SERINC5: variants seen among roughly 807,000 people sequenced by gnomAD.
The protein encoded by SERINC5 is chromosome 5 open reading frame 12.
In SERINC5, 41 loss-of-function variants were observed where a neutral mutation model predicts 63.1. That is an observed-to-expected ratio of 0.65 (90% CI 0.51 to 0.84). SERINC5 has a LOEUF of 0.84. SERINC5 is among the 40% of genes least tolerant of loss of function. The probability of loss-of-function intolerance (pLI) is 0.00; values close to 1 mark genes in which losing one functional copy is unlikely to be tolerated. For missense variants in SERINC5, 523 were observed against 573.0 expected, an observed-to-expected ratio of 0.91 and a Z score of 0.89; for synonymous variants, 222 against 215.2, an observed-to-expected ratio of 1.03 and a Z score of -0.28.
chr5:80,190,737 A>G (rs1749131473), intron 2 of SERINC5, among the ~76,000 whole-genome samples: 1 of 152,212 alleles, frequency 6.6e-6, no homozygotes, highest in South Asian at 2.1e-4. Context: ...AATGTTCCCC[A>G]AAAGATAGGA....
At chr5:80,151,029 T>A in intron 8 of SERINC5, 81 bp from the exon 9 acceptor site, 3 of 995,740 alleles carry the variant, frequency 3.0e-6, no homozygotes, top group Non-Finnish European at 4.9e-6. Context: ...GGCTGGCCAG[T>A]GCTCCGACGA....
intron 1 of SERINC5, among the ~76,000 whole-genome samples, chr5:80,226,153 C>T (rs1364643364): frequency 5.3e-5 from 8 of 152,116 alleles, no homozygotes; most frequent in Admixed American, 2.0e-4. Flanking sequence ...CCAACTCCCA[C>T]TTCAAGCGAT....
intron 1 of SERINC5, among the ~76,000 whole-genome samples, chr5:80,230,250 C>T (rs1367347380): frequency 3.9e-5 from 6 of 152,042 alleles, no homozygotes; most frequent in Non-Finnish European, 8.8e-5. Context: ...GCAGGCAGAT[C>T]ACTTGAAGTC....
At chr5:80,148,442 G>A (rs1054377912) in intron 9 of SERINC5, among the ~76,000 whole-genome samples, 13 of 151,826 alleles carry the variant, frequency 8.6e-5, no homozygotes, top group East Asian at 1.9e-4. Context: ...CACCCACCTC[G>A]GCCTCCCAAA....
intron 11 of SERINC5, chr5:80,116,373 C>T (rs1255052965): frequency 2.2e-6 from 1 of 455,828 alleles, no homozygotes; most frequent in South Asian, 1.6e-5. Context: ...CCTTCCTCTT[C>T]CTGGACAGAG....
Position 80,139,179 on chromosome 5 carries a change from A to G in SERINC5, c.*4484T>C, listed in dbSNP as rs1469552542. 1 of 984,536 alleles carries G rather than the reference A, an allele frequency of 1.0e-6. No homozygotes were observed. 61.0% of individuals were successfully genotyped at this position (984,536 alleles called of 1,614,324 possible). A position where few individuals can be genotyped will look rare whatever the true frequency, so the allele number is the denominator to read the frequency against. On this transcript the variant is annotated 3_prime_UTR_variant, in exon 12 of 12. Transcript: ENST00000507668. Reference sequence around the variant, plus strand: ...TGGCTACAGCTAATCGTTTCAGAAAAGTTTAAAAAATTAGCAAAGTTATAT... The same window carrying G: ...TGGCTACAGCTAATCGTTTCAGAAAGGTTTAAAAAATTAGCAAAGTTATAT...
At position 80,122,613 on chromosome 5, in the gene SERINC5, A is replaced by C. The variant is rs867444615; in HGVS notation, c.1239-8988T>G. Among the ~76,000 whole-genome samples, 5 of 152,344 alleles carry C rather than the reference A, an allele frequency of 3.3e-5. No individual in the cohort carries two copies. The South Asian group carries it at 6.2e-4, about 19-fold the overall frequency. On this transcript the variant is annotated intron_variant, in intron 11 of 12. Coordinates refer to the SERINC5 transcript ENST00000509193. ...GTGAAGGGATTCTGCAAATGTAATTAAAGTTTCAAGTCAGTCAACCTTAAA... is the reference window on the plus strand; with the variant it reads ...GTGAAGGGATTCTGCAAATGTAATTCAAGTTTCAAGTCAGTCAACCTTAAA...
chr5:80,230,734 G>A (rs934058432), intron 1 of SERINC5, among the ~76,000 whole-genome samples: 1 of 152,186 alleles, frequency 6.6e-6, no homozygotes, highest in Non-Finnish European at 1.5e-5. Flanking sequence ...CAAGGTCACA[G>A]CTCCTTTGTG....
chr5:80,200,697 C>A (rs188826839), intron 2 of SERINC5, among the ~76,000 whole-genome samples: 1 of 152,222 alleles, frequency 6.6e-6, no homozygotes, highest in African/African-American at 2.4e-5. Flanking sequence ...TATAAAAGCA[C>A]TATGCAACAG....
chr5:80,185,709 A>AAGGTG (rs1323170313), intron 2 of SERINC5, among the ~76,000 whole-genome samples: 1 of 152,070 alleles, frequency 6.6e-6, no homozygotes, highest in East Asian at 1.9e-4. Context: ...TGGGAGTCGC[A>AAGGTG]AGGTGCTCAG....
Position 80,249,269 on chromosome 5 carries a change from C to T in SERINC5, c.27+6627G>A, listed in dbSNP as rs1019995143. On this transcript the variant is annotated intron_variant, in intron 1 of 11. Coordinates refer to ENST00000507668, the MANE Select transcript of SERINC5 (RefSeq NM_001174072.3). The stretch of plus-strand genomic sequence containing the variant: ...GGCGGAGCTTGCAGTGAGCCGAGAT[C>T]GCACCACTGCACTCCAGCCTGGGCA... Among the ~76,000 whole-genome samples, 7 of 151,138 alleles carry T rather than the reference C, an allele frequency of 4.6e-5. 1 individual carries two copies. Among genetic ancestry groups the T allele is most frequent in the African/African-American group, 1.2e-4 (5 of 41,082 alleles).
intron 1 of SERINC5, among the ~76,000 whole-genome samples, chr5:80,243,463 G>A (rs1427905893): frequency 6.6e-6 from 1 of 152,038 alleles, no homozygotes; most frequent in Admixed American, 6.6e-5. Context: ...ACAGTAGTGA[G>A]CTCCCCAGCA....
intron 1 of SERINC5, among the ~76,000 whole-genome samples, chr5:80,228,459 ATT>A (rs34400088): frequency 6.6e-6 from 1 of 150,546 alleles, no homozygotes; most frequent in South Asian, 2.1e-4. Context: ...ACTATTAAGA[ATT>A]TTTTTTTTGT....
chr5:80,186,849 C>G (rs1226881138), intron 2 of SERINC5, among the ~76,000 whole-genome samples: 1 of 152,088 alleles, frequency 6.6e-6, no homozygotes, highest in African/African-American at 2.4e-5. Context: ...AATCGTGTTA[C>G]TTGAGATTAG....
rs2112290767 is a variant in SERINC5 at position 80,142,656 on chromosome 5, A to G, written c.*1007T>C. On this transcript the variant is annotated 3_prime_UTR_variant, in exon 12 of 12. Transcript: ENST00000507668. ...GGTCACGTTACAGATCCAGAACACA[A>G]AACGACTTCCGCTTTTACAGTTTCA... The G allele has an allele frequency of 5.1e-6, 5 of 985,424 alleles. No homozygotes were observed. The South Asian group carries it at 1.9e-4, about 37-fold the overall frequency. The allele number at this position is 985,424 out of a possible 1,614,324, so 61.0% of individuals were successfully genotyped here. A position where few individuals can be genotyped will look rare whatever the true frequency, so the allele number is the denominator to read the frequency against.
At chr5:80,230,609 G>A (rs751550806) in intron 1 of SERINC5, among the ~76,000 whole-genome samples, 10 of 152,044 alleles carry the variant, frequency 6.6e-5, no homozygotes, top group Non-Finnish European at 7.3e-5. Context: ...TACAAGTGCC[G>A]TCACAGACTC....
chr5:80,245,023 G>C (rs573917614), intron 1 of SERINC5, among the ~76,000 whole-genome samples: 37 of 152,216 alleles, frequency 2.4e-4, no homozygotes, highest in Admixed American at 2.0e-3. Context: ...TCAAGTTGTC[G>C]TCTGACCAGG....
rs548416331 is a variant in SERINC5 at position 80,143,537 on chromosome 5, T to C, written c.*126A>G. On this transcript the variant is annotated 3_prime_UTR_variant, in exon 12 of 12. Transcript: ENST00000507668. ...AAAGCTAATCAGGAGATTTTTTTTT[T>C]TCTCTCTCAAAGCTTTTTCAGACCC... The C allele has an allele frequency of 9.9e-4, 1,349 of 1,367,486 alleles. 23 individuals are homozygous for C. In the South Asian group the frequency reaches 0.016, roughly 17 times the overall value. The allele number at this position is 1,367,486 out of a possible 1,614,324, so 84.7% of individuals were successfully genotyped here.
At chr5:80,218,128 A>C (rs1434373102) in intron 1 of SERINC5, among the ~76,000 whole-genome samples, 2 of 152,238 alleles carry the variant, frequency 1.3e-5, no homozygotes, top group South Asian at 2.1e-4. Context: ...TGCTCTGCTG[A>C]TCCTAGGAAG....
Sources: allele counts gnomAD v4.1 joint callset (sites outside exome capture counted in the v4.1 genomes callset), GRCh38; gene constraint gnomAD v4.1.1; transcripts MANE v1.5; gene names NCBI Gene and HGNC (gene_info 2026-07-23, HGNC 2026-07-21).